CDH23: variants seen among roughly 807,000 people sequenced by gnomAD.
CDH23 encodes the protein cadherin related 23, also known as cadherin-23.
In CDH23, 189 loss-of-function variants were observed where a neutral mutation model predicts 317.1. The ratio of observed to expected loss-of-function variants is 0.60; its 90% CI spans 0.53 to 0.67. The LOEUF (loss-of-function observed/expected upper bound fraction) is 0.67, where lower values mean the gene tolerates loss of function less well. CDH23 is among the 30% of genes least tolerant of loss of function. CDH23 has a pLI of 0.00. For missense variants in CDH23, 4,401 were observed against 4,592.4 expected, an observed-to-expected ratio of 0.96 and a Z score of 1.20; for synonymous variants, 1,839 against 1,876.8, an observed-to-expected ratio of 0.98 and a Z score of 0.52.
At chr10:71,409,556 G>A (rs7078035) in intron 1 of CDH23, among the ~76,000 whole-genome samples, 45,882 of 151,914 alleles carry the variant, frequency 0.3, 7,112 homozygotes, top group Middle Eastern at 0.45. Context: ...TGCTGGCCTG[G>A]GGGTGGGATG....
intron 3 of CDH23, among the ~76,000 whole-genome samples, chr10:71,470,027 T>A (rs4381296): frequency 0.37 from 55,998 of 150,792 alleles, 10,589 homozygotes; most frequent in East Asian, 0.55. Flanking sequence ...TAAAAAAAAA[T>A]TTGTGCTATG....
intron 8 of CDH23, among the ~76,000 whole-genome samples, chr10:71,575,932 C>A (rs949680587): frequency 6.6e-6 from 1 of 152,116 alleles, no homozygotes; most frequent in Non-Finnish European, 1.5e-5. Context: ...TTTATTTACC[C>A]AAAAAAAGAT....
At chr10:71,461,056 G>A (rs111865792) in intron 3 of CDH23, among the ~76,000 whole-genome samples, 3,531 of 152,356 alleles carry the variant, frequency 0.023, 60 homozygotes, top group South Asian at 0.053. Context: ...GGCCAGGGAA[G>A]CAAAGCCCCT....
chr10:71,810,377 C>A, intron 61 of CDH23, 95 bp from the exon 62 acceptor site: 1 of 1,143,096 alleles, frequency 8.7e-7, no homozygotes, highest in African/African-American at 1.5e-5. Flanking sequence ...GGTCTATTTG[C>A]AGGGAAGGGC....
chr10:71,743,697 G>A (rs993464278), intron 38 of CDH23, among the ~76,000 whole-genome samples: 8 of 152,186 alleles, frequency 5.3e-5, no homozygotes, highest in Middle Eastern at 3.4e-3. Flanking sequence ...ACCCAGTTTC[G>A]ACATGACCCC....
intron 9 of CDH23, among the ~76,000 whole-genome samples, chr10:71,609,905 A>G (rs1441242136): frequency 1.3e-5 from 2 of 151,310 alleles, no homozygotes; most frequent in South Asian, 2.1e-4. Context: ...AAACTCTACC[A>G]TGGAGGAATT....
In CDH23 at chr10:71,815,240, G is replaced by C. The variant is rs756425157; in HGVS notation, c.10027G>C (p.Val3343Leu). ...KSTPLHKLRD[V>L]IMETPLEITE... ...CACACCCCTGCACAAACTTCGCGACGTGATCATGGAGACCCCCCTGGAGAT... is the reference window on the plus strand; with the variant it reads ...CACACCCCTGCACAAACTTCGCGACCTGATCATGGAGACCCCCCTGGAGAT... Residue 3343 changes from valine to leucine, a missense_variant, in exon 70 of 70, where the codon GTG (valine) becomes CTG (leucine). By Grantham distance (32) the Val-to-Leu change is conservative (BLOSUM62 1). Transcript: ENST00000224721. The C allele has an allele frequency of 1.3e-6, 2 of 1,590,978 alleles. No homozygotes were observed. The highest frequency in any genetic ancestry group is 1.7e-6 in the Non-Finnish European group (2 of 1,163,984).
At chr10:71,524,494 A>G (rs1485727321) in intron 6 of CDH23, among the ~76,000 whole-genome samples, 4 of 152,154 alleles carry the variant, frequency 2.6e-5, no homozygotes, top group Non-Finnish European at 5.9e-5. Context: ...CAAAAGGAGG[A>G]TGCCTTGCTC....
intron 22 of CDH23, 151 bp from the exon 23 acceptor site, chr10:71,701,871 C>T (rs1460543903): frequency 1.3e-6 from 1 of 746,920 alleles, no homozygotes. Context: ...TCGGACCCCC[C>T]TACCGGGCCC....
intron 3 of CDH23, among the ~76,000 whole-genome samples, chr10:71,478,055 T>C (rs774721826): frequency 1.1e-4 from 16 of 152,342 alleles, no homozygotes; most frequent in Non-Finnish European, 2.2e-4. Flanking sequence ...GGTTTCATAA[T>C]AACCTTCCAA....
At chr10:71,624,317 G>C (rs932971556) in intron 11 of CDH23, among the ~76,000 whole-genome samples, 1 of 152,236 alleles carries the variant, frequency 6.6e-6, no homozygotes, top group Non-Finnish European at 1.5e-5. Context: ...AGGGAAGGAC[G>C]AGAGAGGCAG....
intron 38 of CDH23, among the ~76,000 whole-genome samples, chr10:71,746,983 T>A (rs74145632): frequency 0.011 from 1,684 of 152,290 alleles, 30 homozygotes; most frequent in African/African-American, 0.037. Context: ...CCTGCTATTG[T>A]GAACTCTGCT....
At chr10:71,659,772 G>A (rs1863564994) in intron 14 of CDH23, among the ~76,000 whole-genome samples, 1 of 152,162 alleles carries the variant, frequency 6.6e-6, no homozygotes. Flanking sequence ...ACCAAACTAA[G>A]TTTGAACCTC....
intron 3 of CDH23, among the ~76,000 whole-genome samples, chr10:71,490,174 T>C (rs910266622): frequency 1.3e-5 from 2 of 152,336 alleles, no homozygotes; most frequent in South Asian, 2.1e-4. Flanking sequence ...GTTTCTTCCT[T>C]CATTTAGTAT....
chr10:71,434,036 C>T (rs1169289333), intron 1 of CDH23, among the ~76,000 whole-genome samples: 1 of 152,154 alleles, frequency 6.6e-6, no homozygotes, highest in South Asian at 2.1e-4. Context: ...CCCTCATCTC[C>T]TGCAACTCTT....
chr10:71,798,444 A>G lies in CDH23; in HGVS notation c.6920A>G (p.Glu2307Gly). Residue 2307 changes from glutamate to glycine, a missense_variant, in exon 50 of 70, where the codon GAG becomes GGG. Physicochemically the swap from Glu to Gly is moderately conservative, Grantham distance 98 (BLOSUM62 -2). Transcript: ENST00000224721. ...GITYYMERILEGATPGTTLIA... is the reference protein window; with the variant it reads ...GITYYMERILGGATPGTTLIA... ...ACCTACTACATGGAGCGGATCCTGG[A>G]GGGGGCCACCCCTGGGACCACACTC... 2.5e-6 allele frequency: 4 copies of G among 1,613,928 alleles called. No individual in the cohort carries two copies. The highest frequency in any genetic ancestry group is 3.4e-6 in the Non-Finnish European group (4 of 1,179,828).
chr10:71,772,112 G>C (rs1840699518), intron 38 of CDH23, among the ~76,000 whole-genome samples: 2 of 152,160 alleles, frequency 1.3e-5, no homozygotes, highest in Non-Finnish European at 2.9e-5. Context: ...CCCTCTGACT[G>C]TCACCTTGAG....
intron 3 of CDH23, among the ~76,000 whole-genome samples, chr10:71,464,696 G>A (rs753431156): frequency 6.6e-5 from 10 of 152,204 alleles, no homozygotes; most frequent in African/African-American, 4.8e-5. Flanking sequence ...GGTAGAGCAG[G>A]ACAGCAGGCC....
intron 6 of CDH23, among the ~76,000 whole-genome samples, chr10:71,563,976 T>G (rs1483601136): frequency 6.6e-6 from 1 of 152,152 alleles, no homozygotes. Context: ...CTTGAACTCC[T>G]GGGTAGGAGC....
Sources: gnomAD v4.1 joint callset for allele counts (sites outside exome capture counted in the v4.1 genomes callset) on GRCh38, gnomAD v4.1.1 for gene constraint, MANE v1.5 for transcripts, NCBI Gene and HGNC (gene_info 2026-07-23, HGNC 2026-07-21) for gene names.